WDPCP: variants seen among roughly 807,000 people sequenced by gnomAD.
WDPCP encodes WD repeat containing planar cell polarity effector, also known as WD repeat-containing and planar cell polarity effector protein fritz homolog.
WDPCP carries 71 observed loss-of-function variants against 93.1 expected under a neutral mutation model. That is an observed-to-expected ratio of 0.76 (90% CI 0.63 to 0.93). The LOEUF is 0.93. Ranked by LOEUF, WDPCP falls within the 40% of genes least tolerant of loss-of-function variation. The pLI is 0.00. For missense variants in WDPCP, 844 were observed against 887.4 expected, an observed-to-expected ratio of 0.95 and a Z score of 0.62; for synonymous variants, 315 against 315.0, an observed-to-expected ratio of 1.00 and a Z score of 0.00.
chr2:63,834,858 C>G, the WDPCP span, among the ~76,000 whole-genome samples: 34 of 152,236 alleles, frequency 2.2e-4, no homozygotes, highest in African/African-American at 8.2e-4. Context: ...TCGTAGACAT[C>G]GGATATTTTT....
intron 2 of WDPCP, among the ~76,000 whole-genome samples, chr2:63,693,880 A>G (rs2103679913): frequency 6.6e-6 from 1 of 152,326 alleles, no homozygotes; most frequent in Middle Eastern, 3.4e-3. Context: ...TCATTTATTG[A>G]TTAATGGACC....
At chr2:63,708,071 G>A (rs749545993) in intron 2 of WDPCP, among the ~76,000 whole-genome samples, 1 of 152,200 alleles carries the variant, frequency 6.6e-6, no homozygotes, top group African/African-American at 2.4e-5. Context: ...CTACTTGGGG[G>A]TCAGGGAACC....
chr2:63,256,525 T>C (rs1681163764), intron 14 of WDPCP, among the ~76,000 whole-genome samples: 1 of 152,108 alleles, frequency 6.6e-6, no homozygotes, highest in South Asian at 2.1e-4. Context: ...ACAACTACTT[T>C]GGAAAACTGG....
intron 10 of WDPCP, among the ~76,000 whole-genome samples, chr2:63,396,845 T>G (rs1320382349): frequency 6.6e-6 from 1 of 152,144 alleles, no homozygotes; most frequent in East Asian, 1.9e-4. Context: ...ACCCCAGTGT[T>G]TGCTGTTCAT....
intron 12 of WDPCP, among the ~76,000 whole-genome samples, chr2:63,324,639 A>G (rs2104218107): frequency 6.6e-6 from 1 of 152,360 alleles, no homozygotes; most frequent in Admixed American, 6.5e-5. Context: ...AAAAGAATGC[A>G]GCTTTAGCTG....
intron 2 of WDPCP, among the ~76,000 whole-genome samples, chr2:63,788,384 AATTTACAACTTCATATTTTT>A (rs749132489): frequency 7.2e-5 from 11 of 152,322 alleles, no homozygotes; most frequent in Admixed American, 4.6e-4. Context: ...TTCTTAGTAA[AATTTACAACTTCATATTTTT>A]ATACTTGAGA....
chr2:63,731,818 G>A (rs1475904546), intron 2 of WDPCP, among the ~76,000 whole-genome samples: 1 of 152,116 alleles, frequency 6.6e-6, no homozygotes, highest in Non-Finnish European at 1.5e-5. Context: ...AATGGTACAA[G>A]GTAAGCAAGA....
At chr2:63,261,046 A>G (rs1416416914) in intron 13 of WDPCP, among the ~76,000 whole-genome samples, 1 of 152,226 alleles carries the variant, frequency 6.6e-6, no homozygotes, top group African/African-American at 2.4e-5. Context: ...TTTCAAGCTA[A>G]AGTTACAATG....
At chr2:63,536,484 G>C (rs977805271) in intron 1 of WDPCP, among the ~76,000 whole-genome samples, 1 of 152,086 alleles carries the variant, frequency 6.6e-6, no homozygotes, top group Non-Finnish European at 1.5e-5. Flanking sequence ...TGATAGACTG[G>C]ATCAAGAAAA....
chr2:63,722,261 C>T (rs1212365554), intron 2 of WDPCP, among the ~76,000 whole-genome samples: 3 of 150,342 alleles, frequency 2.0e-5, no homozygotes, highest in Non-Finnish European at 4.4e-5. Flanking sequence ...TCCGCCCGGC[C>T]GCCATCCCAC....
At chr2:63,640,277 G>C (rs1005228112) in intron 3 of WDPCP, among the ~76,000 whole-genome samples, 1 of 152,180 alleles carries the variant, frequency 6.6e-6, no homozygotes, top group Non-Finnish European at 1.5e-5. Context: ...CAAAGTGCTG[G>C]GATTACAGGT....
At chr2:63,332,649 T>A (rs1688065334) in intron 12 of WDPCP, among the ~76,000 whole-genome samples, 1 of 152,248 alleles carries the variant, frequency 6.6e-6, no homozygotes, top group African/African-American at 2.4e-5. Flanking sequence ...GATACTGTTT[T>A]ATCAGATACA....
chr2:63,485,598 A>G (rs1700527754), intron 4 of WDPCP, among the ~76,000 whole-genome samples: 2 of 151,884 alleles, frequency 1.3e-5, no homozygotes, highest in African/African-American at 4.8e-5. Context: ...TTGAATAATG[A>G]TAAGCCTTCG....
rs1416024655 is a variant in WDPCP at position 63,785,951 on chromosome 2, CT to C, written n.308+27670del. Among the ~76,000 whole-genome samples the C allele has an allele frequency of 5.0e-4, 76 of 152,324 alleles. 1 individual carries two copies. Among genetic ancestry groups the C allele is most frequent in the Non-Finnish European group, 1.3e-4 (9 of 68,032 alleles). On this transcript the variant is annotated intron_variant and non_coding_transcript_variant, in intron 2 of 4. Transcript: ENST00000467687. ...TGTATTGCAAACAAGATTAACCACA[CT>C]GACATGGCTCAGCTAAACTTTTAAA...
At chr2:63,529,101 A>C (rs942855288) in intron 1 of WDPCP, among the ~76,000 whole-genome samples, 1 of 152,222 alleles carries the variant, frequency 6.6e-6, no homozygotes, top group African/African-American at 2.4e-5. Context: ...TTATCAGCTT[A>C]AGGAGATTTT....
At chr2:63,629,299 A>G (rs1360767788) in intron 3 of WDPCP, among the ~76,000 whole-genome samples, 1 of 152,248 alleles carries the variant, frequency 6.6e-6, no homozygotes, top group African/African-American at 2.4e-5. Context: ...GCAAATGCCA[A>G]ATGGGGAGCC....
chr2:63,812,883 AT>A (rs940141489), intron 2 of WDPCP, among the ~76,000 whole-genome samples: 203 of 143,704 alleles, frequency 1.4e-3, no homozygotes, highest in Non-Finnish European at 1.5e-3. Flanking sequence ...AAATCACTTT[AT>A]TTTTTTTTTT....
At chr2:63,378,824 C>T (rs557181348) in intron 11 of WDPCP, among the ~76,000 whole-genome samples, 1 of 152,240 alleles carries the variant, frequency 6.6e-6, no homozygotes, top group South Asian at 2.1e-4. Context: ...TGAACTAGTA[C>T]TTCCAGTAAA....
At chr2:63,629,998 T>A (rs1164841786) in intron 3 of WDPCP, among the ~76,000 whole-genome samples, 1 of 152,188 alleles carries the variant, frequency 6.6e-6, no homozygotes, top group Non-Finnish European at 1.5e-5. Context: ...GATTTAAATC[T>A]GACAAGGATT....
Sources: allele counts gnomAD v4.1 joint callset (sites outside exome capture counted in the v4.1 genomes callset), GRCh38; gene constraint gnomAD v4.1.1; transcripts MANE v1.5; gene names NCBI Gene and HGNC (gene_info 2026-07-23, HGNC 2026-07-21).